CHKA: variants seen among roughly 807,000 people sequenced by gnomAD.
CHKA encodes CHETK-alpha.
Under a neutral mutation model 60.1 loss-of-function variants are expected in CHKA, and 34 were observed. The ratio of observed to expected loss-of-function variants is 0.57; its 90% confidence interval spans 0.43 to 0.75. The LOEUF is 0.75. Ranked by LOEUF, CHKA falls within the 30% of genes least tolerant of loss-of-function variation. The pLI is 0.00. For synonymous variants in CHKA, 217 were observed against 223.1 expected (o/e 0.97, Z 0.24); for missense variants, 563 against 561.3 (o/e 1.00, Z -0.03).
chr11:68,074,827 C>T lies in CHKA; in HGVS notation c.520G>A (p.Ala174Thr). 5.6e-6 allele frequency: 9 copies of T among 1,614,132 alleles called. No homozygotes were observed. Among genetic ancestry groups the T allele is most frequent in the Non-Finnish European group, 7.6e-6 (9 of 1,180,018 alleles). ...QAQKENEFQGAEAMVLESVMF... is the reference protein window; with the variant it reads ...QAQKENEFQGTEAMVLESVMF... ...ACGCTCTCCAGAACCATGGCCTCAG[C>T]CCCCTAAAACAGATGGCAACAAATC... Residue 174 changes from alanine (A) to threonine (T), a missense_variant, in exon 4 of 12, where the codon GCT becomes ACT. Ala to Thr is a moderately conservative substitution (Grantham distance 58). Transcript: ENST00000265689.
chr11:68,071,140 A>G (rs1856604334), intron 4 of CHKA, among the ~76,000 whole-genome samples: 1 of 152,178 alleles, frequency 6.6e-6, no homozygotes, highest in African/African-American at 2.4e-5. Flanking sequence ...CTACTACACT[A>G]TCATCTATTA....
At chr11:68,101,251 G>C (rs1034661935) in intron 1 of CHKA, among the ~76,000 whole-genome samples, 1 of 151,964 alleles carries the variant, frequency 6.6e-6, no homozygotes, top group African/African-American at 2.4e-5. Context: ...CTGGTCCAAA[G>C]AGGTTATTTT....
At chr11:68,092,831 T>A (rs972974930) in intron 2 of CHKA, among the ~76,000 whole-genome samples, 2 of 152,178 alleles carry the variant, frequency 1.3e-5, no homozygotes, top group Non-Finnish European at 2.9e-5. Flanking sequence ...GTGTTTGAAC[T>A]AAGGACTCGA....
chr11:68,119,146 AT>A (rs908942883), intron 1 of CHKA, among the ~76,000 whole-genome samples: 47 of 152,228 alleles, frequency 3.1e-4, no homozygotes, highest in African/African-American at 1.1e-3. Context: ...AGAGAGCTGA[AT>A]TTTTTTTAAG....
At chr11:68,097,222 C>T in intron 1 of CHKA, 92 bp from the exon 2 acceptor site, 1 of 877,812 alleles carries the variant, frequency 1.1e-6, no homozygotes, top group South Asian at 1.6e-5. Context: ...CAGGGTTACA[C>T]AAGAACTGTT....
intron 1 of CHKA, among the ~76,000 whole-genome samples, chr11:68,115,915 A>T (rs1590888557): frequency 1.3e-5 from 2 of 152,340 alleles, no homozygotes; most frequent in South Asian, 4.1e-4. Flanking sequence ...CAAACGTTTA[A>T]AATGAAAAGT....
Position 68,061,365 on chromosome 11 carries a change from C to T in CHKA, c.1314+588G>A, listed in dbSNP as rs193049731. On this transcript the variant is annotated intron_variant, in intron 11 of 11. Transcript: ENST00000265689. ...AGGTGATCTGCCCACCTCAGCCTCCCGAAGTGCTGGGATTACAGGCGTGAG... is the reference window on the plus strand; with the variant it reads ...AGGTGATCTGCCCACCTCAGCCTCCTGAAGTGCTGGGATTACAGGCGTGAG... The T allele has an allele frequency of 5.8e-3, 1,011 of 175,266 alleles. 17 individuals are homozygous for T. The highest frequency in any genetic ancestry group is 0.023 in the African/African-American group (970 of 42,202). The allele number at this position is 175,266 out of a possible 1,614,324, so 10.9% of individuals were successfully genotyped here. A position where few individuals can be genotyped will look rare whatever the true frequency, so the allele number is the denominator to read the frequency against.
intron 1 of CHKA, among the ~76,000 whole-genome samples, chr11:68,108,380 A>C (rs1857996917): frequency 6.6e-6 from 1 of 152,216 alleles, no homozygotes; most frequent in Non-Finnish European, 1.5e-5. Context: ...AGTATGTGTA[A>C]GAAGCTTAGA....
At chr11:68,080,459 T>C (rs930966571) in intron 3 of CHKA, among the ~76,000 whole-genome samples, 2 of 152,146 alleles carry the variant, frequency 1.3e-5, no homozygotes, top group African/African-American at 4.8e-5. Context: ...GTAATTCTCC[T>C]GCCTCAGCCT....
intron 7 of CHKA, among the ~76,000 whole-genome samples, chr11:68,067,008 TG>T (rs145434763): frequency 0.34 from 51,110 of 151,950 alleles, 8,711 homozygotes; most frequent in Non-Finnish European, 0.36. Flanking sequence ...TCCCCTGCTT[TG>T]TTCTTGCCTG....
In CHKA at chr11:68,084,521, T is replaced by C. The variant is rs954364448; in HGVS notation, c.463-3064A>G. On this transcript the variant is annotated intron_variant, in intron 2 of 11. Transcript: ENST00000265689. ...AATTCATTTGAAGTAGATATTAAAA[T>C]ACATTGTATAAATATTTAGTATGAC... 2.3e-4 allele frequency among the ~76,000 whole-genome samples: 34 copies of C among 150,144 alleles called. 1 individual carries two copies. The highest frequency in any genetic ancestry group is 3.3e-3 in the Middle Eastern group (1 of 306).
intron 10 of CHKA, among the ~76,000 whole-genome samples, chr11:68,062,870 G>T (rs987747211): frequency 4.6e-5 from 7 of 152,274 alleles, no homozygotes; most frequent in African/African-American, 1.7e-4. Flanking sequence ...CTTAGTGTTG[G>T]GGGTGAGCAC....
intron 1 of CHKA, among the ~76,000 whole-genome samples, chr11:68,119,774 C>G (rs926208658): frequency 1.3e-5 from 2 of 152,026 alleles, no homozygotes; most frequent in African/African-American, 4.8e-5. Flanking sequence ...GGCCCGGGAA[C>G]ACATCTTTAA....
intron 1 of CHKA, among the ~76,000 whole-genome samples, chr11:68,109,415 A>G (rs1858051175): frequency 6.6e-6 from 1 of 152,070 alleles, no homozygotes. Flanking sequence ...ACGACAGAAC[A>G]TTCTGTTCTT....
chr11:68,112,520 C>T (rs1314778568), intron 1 of CHKA, among the ~76,000 whole-genome samples: 1 of 152,126 alleles, frequency 6.6e-6, no homozygotes, highest in Non-Finnish European at 1.5e-5. Flanking sequence ...TTGTCCTCCC[C>T]AAGTGCTGGA....
chr11:68,078,974 C>T (rs1164108341), intron 3 of CHKA, among the ~76,000 whole-genome samples: 1 of 151,476 alleles, frequency 6.6e-6, no homozygotes, highest in Non-Finnish European at 1.5e-5. Flanking sequence ...AGATGGATAG[C>T]CCAGGCTGGA....
chr11:68,103,249 G>A (rs1353345981), intron 1 of CHKA, among the ~76,000 whole-genome samples: 1 of 152,022 alleles, frequency 6.6e-6, no homozygotes, highest in Non-Finnish European at 1.5e-5. Context: ...CAACTACTCG[G>A]GAGGTTGAGA....
At chr11:68,105,255 G>A (rs1857869394) in intron 1 of CHKA, among the ~76,000 whole-genome samples, 3 of 152,032 alleles carry the variant, frequency 2.0e-5, no homozygotes, top group South Asian at 2.1e-4. Flanking sequence ...GGTGGCTCAC[G>A]CCTGTAATCC....
At chr11:68,103,822 G>A (rs373317666) in intron 1 of CHKA, among the ~76,000 whole-genome samples, 165 of 151,982 alleles carry the variant, frequency 1.1e-3, no homozygotes, top group African/African-American at 3.6e-3. Flanking sequence ...GAGGAAGCAC[G>A]AGAATCACTT....
Sources: gnomAD v4.1 joint callset for allele counts (sites outside exome capture counted in the v4.1 genomes callset) on GRCh38, gnomAD v4.1.1 for gene constraint, MANE v1.5 for transcripts, NCBI Gene and HGNC (gene_info 2026-07-23, HGNC 2026-07-21) for gene names.